The following NUS1 variants were observed in gnomAD, a reference collection of about 807,000 sequenced individuals.
The protein encoded by NUS1 is NUS1 dehydrodolichyl diphosphate synthase subunit.
For missense variants in NUS1, 292 were observed against 382.9 expected (o/e 0.76, Z 1.98); for synonymous variants, 135 against 155.2 (o/e 0.87, Z 0.97).
chr6:117,678,296 C>T (rs1461305411), intron 1 of NUS1, among the ~76,000 whole-genome samples: 2 of 151,934 alleles, frequency 1.3e-5, no homozygotes, highest in Admixed American at 6.6e-5. Context: ...AATAAGAGAC[C>T]TTCAATTAGT....
chr6:117,702,147 T>C (rs1773420294), intron 3 of NUS1, among the ~76,000 whole-genome samples: 1 of 152,222 alleles, frequency 6.6e-6, no homozygotes, highest in Non-Finnish European at 1.5e-5. Context: ...GATCTCACTG[T>C]TAAATTTCTT....
At chr6:117,688,474 C>T (rs1044491401) in intron 1 of NUS1, among the ~76,000 whole-genome samples, 2 of 150,964 alleles carry the variant, frequency 1.3e-5, no homozygotes, top group African/African-American at 2.4e-5. Context: ...AATTATAAAC[C>T]ACTTTATAGC....
At position 117,710,317 on chromosome 6, in the gene NUS1, T is replaced by G. The variant is rs1365491945; in HGVS notation, c.*3302T>G. 1 of 152,134 alleles carries G rather than the reference T, an allele frequency of 6.6e-6. No homozygotes were observed. The highest frequency in any genetic ancestry group is 2.1e-4 in the South Asian group (1 of 4,830). 9.4% of individuals were successfully genotyped at this position (152,134 alleles called of 1,614,324 possible). A position where few individuals can be genotyped will look rare whatever the true frequency, so the allele number is the denominator to read the frequency against. On this transcript the variant is annotated 3_prime_UTR_variant, in exon 5 of 5. Coordinates refer to ENST00000368494, the MANE Select transcript of NUS1 (RefSeq NM_138459.5). ...ATAACTGCTTACTAGGAACTTCCTT[T>G]AGCAAAAATTACTATAAAGTTCAGG...
At chr6:117,695,028 C>T (rs1773296063) in intron 3 of NUS1, among the ~76,000 whole-genome samples, 1 of 151,548 alleles carries the variant, frequency 6.6e-6, no homozygotes, top group African/African-American at 2.4e-5. Context: ...AACCCCATCT[C>T]TACAAAAAAT....
chr6:117,675,766 C>T lies in NUS1; in HGVS notation c.96C>T (p.Thr32=). Residue 32 remains threonine, a synonymous_variant, in exon 1 of 5, where the codon ACC becomes ACT. Coordinates refer to ENST00000368494, the MANE Select transcript of NUS1 (RefSeq NM_138459.5). ...LTSWLRVRFG[T]WNWIWRRCCR... is the part of the protein sequence containing the mutation. ...CCTGGCTCCGCGTTCGGTTCGGCACCTGGAACTGGATCTGGCGGCGCTGCT... is the reference window on the plus strand; with the variant it reads ...CCTGGCTCCGCGTTCGGTTCGGCACTTGGAACTGGATCTGGCGGCGCTGCT... 6.4e-7 allele frequency: 1 copy of T among 1,558,514 alleles called. No individual in the cohort carries two copies. Among genetic ancestry groups the T allele is most frequent in the South Asian group, 1.2e-5 (1 of 85,304 alleles).
chr6:117,709,467 TG>T lies in NUS1; in HGVS notation c.*2454del, dbSNP rs890151304. On this transcript the variant is annotated 3_prime_UTR_variant, in exon 5 of 5. Coordinates refer to ENST00000368494, the MANE Select transcript of NUS1 (RefSeq NM_138459.5). The stretch of plus-strand genomic sequence containing the variant: ...GGTTACTGTTATAAAGTTTAAAAGG[TG>T]GTTTTAATGTGAATAGCAAATTCTG... The T allele has an allele frequency of 6.9e-6, 1 of 145,648 alleles. No individual in the cohort carries two copies. The highest frequency in any genetic ancestry group is 2.6e-5 in the African/African-American group (1 of 38,674). 9.0% of individuals were successfully genotyped at this position (145,648 alleles called of 1,614,324 possible). A position where few individuals can be genotyped will look rare whatever the true frequency, so the allele number is the denominator to read the frequency against.
chr6:117,683,310 C>T (rs1582465505), intron 1 of NUS1, among the ~76,000 whole-genome samples: 2 of 152,126 alleles, frequency 1.3e-5, no homozygotes, highest in African/African-American at 2.4e-5. Flanking sequence ...TGTGAGGTGT[C>T]CTGAAGGGCT....
rs1011057051 is a variant in NUS1 at position 117,699,451 on chromosome 6, A to C, written c.692-4154A>C. Among the ~76,000 whole-genome samples the C allele has an allele frequency of 5.9e-5, 9 of 152,194 alleles. No homozygotes were observed. The East Asian group carries it at 1.7e-3, about 29-fold the overall frequency. ...AACCAAAGAAGTGAAAGATCTCTAC[A>C]ATGAATACTATGAAACATTGATGAG... On this transcript the variant is annotated intron_variant, in intron 3 of 4. Coordinates refer to ENST00000368494, the MANE Select transcript of NUS1 (RefSeq NM_138459.5).
chr6:117,696,104 GAATC>G (rs1023230188), intron 3 of NUS1, among the ~76,000 whole-genome samples: 1 of 151,902 alleles, frequency 6.6e-6, no homozygotes, highest in African/African-American at 2.4e-5. Context: ...TAATTAAAAA[GAATC>G]AAGCAGAAAT....
At chr6:117,702,958 C>T (rs1773431978) in intron 3 of NUS1, among the ~76,000 whole-genome samples, 2 of 151,378 alleles carry the variant, frequency 1.3e-5, no homozygotes, top group Non-Finnish European at 1.5e-5. Context: ...CTTTTTTTCC[C>T]CAAGTCAGGT....
At chr6:117,690,421 A>G (rs952359829) in intron 1 of NUS1, among the ~76,000 whole-genome samples, 13 of 152,264 alleles carry the variant, frequency 8.5e-5, no homozygotes, top group Admixed American at 5.2e-4. Flanking sequence ...CCAAGTGTAT[A>G]TATATCTATG....
At chr6:117,697,105 A>G (rs1200656256) in intron 3 of NUS1, among the ~76,000 whole-genome samples, 1 of 152,098 alleles carries the variant, frequency 6.6e-6, no homozygotes, top group Non-Finnish European at 1.5e-5. Context: ...ATAATGGGTT[A>G]TGACAGATAG....
In NUS1 at chr6:117,675,910, C is replaced by A. The variant is rs1010151368; in HGVS notation, c.240C>A (p.Ala80=). Reference sequence around the variant, plus strand: ...CGCGCGGGGGGTCGTGCCTGGCAGCCGCACACCACCGGATGCGCTGGCGCG... The same window carrying A: ...CGCGCGGGGGGTCGTGCCTGGCAGCAGCACACCACCGGATGCGCTGGCGCG... ...RHPRGGSCLA[A]AHHRMRWRAD... The change falls in exon 1 of 5, where the codon GCC becomes GCA. Residue 80 remains alanine (A), a synonymous_variant. Coordinates refer to ENST00000368494, the MANE Select transcript of NUS1 (RefSeq NM_138459.5). The A allele has an allele frequency of 1.9e-6, 3 of 1,541,456 alleles. No individual in the cohort carries two copies. The highest frequency in any genetic ancestry group is 4.9e-5 in the East Asian group (2 of 40,736).
intron 1 of NUS1, among the ~76,000 whole-genome samples, chr6:117,680,709 T>A (rs541495652): frequency 6.6e-6 from 1 of 152,334 alleles, no homozygotes; most frequent in East Asian, 1.9e-4. Context: ...CATTAGATTA[T>A]TTATATTTCA....
Position 117,691,558 on chromosome 6 carries a change from G to GATATATATAT in NUS1, c.416-1464_416-1455dup, listed in dbSNP as rs60775803. Among the ~76,000 whole-genome samples, 394 of 136,910 alleles carry GATATATATAT rather than the reference G, an allele frequency of 2.9e-3. 2 individuals are homozygous for GATATATATAT. The highest frequency in any genetic ancestry group is 5.7e-3 in the East Asian group (27 of 4,728). 89.8% of individuals were successfully genotyped at this position (136,910 alleles called of 152,430 possible). A position where few individuals can be genotyped will look rare whatever the true frequency, so the allele number is the denominator to read the frequency against. ...CAGCAGGTTCTGTGCCATAGATATA[G>GATATATATAT]ATATATATATATATATATATATATA... On this transcript the variant is annotated intron_variant, in intron 1 of 4. Coordinates refer to ENST00000368494, the MANE Select transcript of NUS1 (RefSeq NM_138459.5).
intron 1 of NUS1, among the ~76,000 whole-genome samples, chr6:117,681,902 G>T (rs552031391): frequency 6.6e-6 from 1 of 152,128 alleles, no homozygotes; most frequent in East Asian, 1.9e-4. Flanking sequence ...GTGCGATCTC[G>T]GCTCACTGCG....
chr6:117,704,340 A>G (rs1773470667), intron 4 of NUS1, among the ~76,000 whole-genome samples: 1 of 152,226 alleles, frequency 6.6e-6, no homozygotes, highest in Non-Finnish European at 1.5e-5. Flanking sequence ...GGGAGAATAC[A>G]TTGAAGAGAA....
At position 117,708,549 on chromosome 6, in the gene NUS1, AT is replaced by A. The variant is rs1229682908; in HGVS notation, c.*1540del. ...TTTGGATTATGAAACCCCATTTATG[AT>A]TTTTTAAATACACTTGAAATAAAAA... On this transcript the variant is annotated 3_prime_UTR_variant, in exon 5 of 5. Coordinates refer to ENST00000368494, the MANE Select transcript of NUS1 (RefSeq NM_138459.5). 1 of 152,340 alleles carries A rather than the reference AT, an allele frequency of 6.6e-6. No homozygotes were observed. 9.4% of individuals were successfully genotyped at this position (152,340 alleles called of 1,614,324 possible). A position where few individuals can be genotyped will look rare whatever the true frequency, so the allele number is the denominator to read the frequency against.
intron 4 of NUS1, among the ~76,000 whole-genome samples, chr6:117,705,120 C>T (rs997548162): frequency 1.3e-5 from 2 of 152,098 alleles, no homozygotes; most frequent in Non-Finnish European, 2.9e-5. Context: ...ATCATCTGGT[C>T]CCACCTTCTC....
Sources: gnomAD v4.1 joint callset for allele counts (sites outside exome capture counted in the v4.1 genomes callset) on GRCh38, gnomAD v4.1.1 for gene constraint, MANE v1.5 for transcripts, NCBI Gene and HGNC (gene_info 2026-07-23, HGNC 2026-07-21) for gene names.